Variants in GULP1 observed in about 807,000 individuals in gnomAD.
The protein encoded by GULP1 is GULP PTB domain containing engulfment adaptor 1.
GULP1 carries 19 observed loss-of-function variants against 40.9 expected under a neutral mutation model. The observed-to-expected ratio is 0.46, with a 90% CI of 0.32 to 0.68. The LOEUF is 0.68. Ranked by LOEUF, GULP1 falls within the 30% of genes least tolerant of loss-of-function variation. GULP1 has a pLI of 0.03. For missense variants in GULP1, 312 were observed against 362.2 expected, an observed-to-expected ratio of 0.86 and a Z score of 1.12; for synonymous variants, 119 against 117.6, an observed-to-expected ratio of 1.01 and a Z score of -0.08.
chr2:188,420,101 A>C (rs531771299), intron 2 of GULP1, among the ~76,000 whole-genome samples: 3 of 152,084 alleles, frequency 2.0e-5, no homozygotes, highest in South Asian at 2.1e-4. Flanking sequence ...TTTGTAATTA[A>C]TACATTTTGG....
Position 188,533,177 on chromosome 2 carries a change from AAGAC to A in GULP1, c.261+3986_261+3989del, listed in dbSNP as rs747165069. Reference sequence around the variant, plus strand: ...TTAACTTTAAATATTTGTAAATACAAAGACAGAAATACCAAACTTTTTTTAAAAA... The same window carrying A: ...TTAACTTTAAATATTTGTAAATACAAAGAAATACCAAACTTTTTTTAAAAA... On this transcript the variant is annotated intron_variant, in intron 6 of 11. Coordinates refer to ENST00000409830, the MANE Select transcript of GULP1 (RefSeq NM_016315.4). Among the ~76,000 whole-genome samples the A allele has an allele frequency of 4.6e-5, 7 of 152,148 alleles. 1 individual carries two copies. The highest frequency in any genetic ancestry group is 8.8e-5 in the Non-Finnish European group (6 of 68,028).
At position 188,595,664 on chromosome 2, in the gene GULP1, G is replaced by A. The variant is rs1354062681; in HGVS notation, c.*1653G>A. ...TACTTTAAAAAGATTTATGTAATAGGTATATATTTAGTGGCCATTTATTAT... is the reference window on the plus strand; with the variant it reads ...TACTTTAAAAAGATTTATGTAATAGATATATATTTAGTGGCCATTTATTAT... On this transcript the variant is annotated 3_prime_UTR_variant, in exon 12 of 12. Transcript: ENST00000409830. The A allele has an allele frequency of 2.0e-5, 3 of 152,078 alleles. No homozygotes were observed. Among genetic ancestry groups the A allele is most frequent in the Admixed American group, 6.6e-5 (1 of 15,160 alleles). The allele number at this position is 152,078 out of a possible 1,614,324, so 9.4% of individuals were successfully genotyped here. A position where few individuals can be genotyped will look rare whatever the true frequency, so the allele number is the denominator to read the frequency against.
At chr2:188,302,361 TA>T (rs1308878709) in intron 1 of GULP1, among the ~76,000 whole-genome samples, 5 of 152,164 alleles carry the variant, frequency 3.3e-5, no homozygotes, top group Non-Finnish European at 7.4e-5. Context: ...ATTCATAATC[TA>T]ATCAGTTCAC....
intron 1 of GULP1, among the ~76,000 whole-genome samples, chr2:188,362,993 G>A (rs1032252778): frequency 2.6e-5 from 4 of 152,120 alleles, no homozygotes; most frequent in East Asian, 1.9e-4. Flanking sequence ...AATATGAATC[G>A]TAAAGAAAGG....
chr2:188,560,348 G>T (rs1695915092), intron 7 of GULP1, among the ~76,000 whole-genome samples: 1 of 152,184 alleles, frequency 6.6e-6, no homozygotes. Context: ...CCTTCCTCCA[G>T]TTCCCAATAA....
At chr2:188,536,810 T>C (rs1689057752) in intron 6 of GULP1, among the ~76,000 whole-genome samples, 1 of 152,184 alleles carries the variant, frequency 6.6e-6, no homozygotes, top group African/African-American at 2.4e-5. Flanking sequence ...TTCCAATTCA[T>C]GAGCACGGAA....
chr2:188,463,686 T>C (rs1559270612), intron 2 of GULP1, among the ~76,000 whole-genome samples: 1 of 152,082 alleles, frequency 6.6e-6, no homozygotes, highest in Non-Finnish European at 1.5e-5. Context: ...TTCATTGTTT[T>C]TATTTTTTTT....
intron 9 of GULP1, among the ~76,000 whole-genome samples, chr2:188,573,985 G>T (rs1699662772): frequency 6.6e-6 from 1 of 152,136 alleles, no homozygotes. Flanking sequence ...TCTAATTGAG[G>T]TGTAGTTCTT....
chr2:188,446,771 A>T (rs578016110), intron 2 of GULP1, among the ~76,000 whole-genome samples: 1 of 152,350 alleles, frequency 6.6e-6, no homozygotes, highest in African/African-American at 2.4e-5. Context: ...TGGATGAAGT[A>T]TGCTTTGACT....
At chr2:188,441,107 A>G (rs1388021622) in intron 2 of GULP1, among the ~76,000 whole-genome samples, 1 of 152,148 alleles carries the variant, frequency 6.6e-6, no homozygotes, top group African/African-American at 2.4e-5. Flanking sequence ...GTGGATAAAC[A>G]TCACAAGTCA....
chr2:188,508,807 C>T (rs2064195128), intron 4 of GULP1, among the ~76,000 whole-genome samples: 1 of 152,022 alleles, frequency 6.6e-6, no homozygotes, highest in Non-Finnish European at 1.5e-5. Context: ...CACCTGGACA[C>T]ATCATTCGAC....
chr2:188,441,590 C>G (rs564440376), intron 2 of GULP1, among the ~76,000 whole-genome samples: 1 of 152,264 alleles, frequency 6.6e-6, no homozygotes, highest in South Asian at 2.1e-4. Context: ...AAATGCCTAG[C>G]CACAGTGAAT....
chr2:188,561,589 G>A (rs1016831305), intron 7 of GULP1, among the ~76,000 whole-genome samples: 1 of 152,188 alleles, frequency 6.6e-6, no homozygotes, highest in Non-Finnish European at 1.5e-5. Flanking sequence ...CCTGGGGTCT[G>A]TGCTGGGCAG....
intron 2 of GULP1, among the ~76,000 whole-genome samples, chr2:188,398,981 G>T (rs947307488): frequency 2.6e-5 from 4 of 152,146 alleles, no homozygotes; most frequent in African/African-American, 9.7e-5. Flanking sequence ...TAGTTTATCA[G>T]TTAGGTAGCC....
chr2:188,527,574 A>G (rs557259957), intron 5 of GULP1, among the ~76,000 whole-genome samples: 4 of 152,308 alleles, frequency 2.6e-5, no homozygotes, highest in African/African-American at 9.6e-5. Context: ...TATTAAAGGC[A>G]AAAAAGAAAA....
chr2:188,588,114 A>ACT, intron 11 of GULP1, 165 bp downstream of exon 11: 1 of 649,014 alleles, frequency 1.5e-6, no homozygotes, highest in Non-Finnish European at 2.8e-6. Flanking sequence ...TCCTAAAAAT[A>ACT]CTCCTACATA....
rs2062211348 is a variant in GULP1 at position 188,490,028 on chromosome 2, A to G, written c.90+6536A>G. ...CTGAGAGTACTCTAACAAGTGTTAT[A>G]TAGCTGCTAGAAATTATTGAATAGG... On this transcript the variant is annotated intron_variant, in intron 4 of 11. Transcript: ENST00000409830. Among the ~76,000 whole-genome samples, 3 of 152,134 alleles carry G rather than the reference A, an allele frequency of 2.0e-5. No homozygotes were observed. The South Asian group carries it at 6.2e-4, about 31-fold the overall frequency.
intron 7 of GULP1, among the ~76,000 whole-genome samples, chr2:188,563,556 CTTTTTTTTATA>C (rs1696874880): frequency 6.7e-6 from 1 of 148,806 alleles, no homozygotes; most frequent in Admixed American, 6.7e-5. Context: ...TTTTTTTTAT[CTTTTTTTTATA>C]TTTTTAAAAA....
At chr2:188,397,426 C>T (rs2051443421) in intron 2 of GULP1, among the ~76,000 whole-genome samples, 1 of 152,166 alleles carries the variant, frequency 6.6e-6, no homozygotes, top group Non-Finnish European at 1.5e-5. Context: ...CTACTATACC[C>T]TGAGACGATA....
Sources: allele counts gnomAD v4.1 joint callset (sites outside exome capture counted in the v4.1 genomes callset), GRCh38; gene constraint gnomAD v4.1.1; transcripts MANE v1.5; gene names NCBI Gene and HGNC (gene_info 2026-07-23, HGNC 2026-07-21).